Variants in SGSM2 observed in about 807,000 individuals in gnomAD.
SGSM2 encodes the protein RUN and TBC1 domain containing 1.
A neutral mutation model predicts 126.6 loss-of-function variants in SGSM2; 89 were observed. That is an observed-to-expected ratio of 0.70 (90% CI 0.59 to 0.84). The LOEUF (loss-of-function observed/expected upper bound fraction) is 0.84, where lower values mean the gene tolerates loss of function less well. Ranked by LOEUF, SGSM2 falls within the 40% of genes least tolerant of loss-of-function variation. The probability of loss-of-function intolerance (pLI) is 0.00; values close to 1 mark genes in which losing one functional copy is unlikely to be tolerated. For missense variants in SGSM2, 1,404 were observed against 1,416.6 expected (o/e 0.99, Z 0.14); for synonymous variants, 614 against 574.3 (o/e 1.07, Z -0.99).
chr17:2,365,418 GGGCAGCA>G (rs2065521965), intron 11 of SGSM2, 77 bp downstream of exon 11: 2 of 1,454,528 alleles, frequency 1.4e-6, no homozygotes, highest in Non-Finnish European at 1.8e-6. Context: ...TCACCCAGGA[GGGCAGCA>G]GGCAGGGCCC....
intron 2 of SGSM2, among the ~76,000 whole-genome samples, chr17:2,357,898 T>C (rs2065147184): frequency 6.6e-6 from 1 of 152,232 alleles, no homozygotes; most frequent in Non-Finnish European, 1.5e-5. Flanking sequence ...TTTTTTCTCA[T>C]ATGAAATAAG....
chr17:2,377,158 C>T (rs769803767), intron 21 of SGSM2, 90 bp downstream of exon 21: 2 of 765,050 alleles, frequency 2.6e-6, no homozygotes, highest in Non-Finnish European at 4.3e-6. Context: ...CACAAACATA[C>T]TTGACATAGA....
At chr17:2,373,596 C>T (rs983351958) in intron 17 of SGSM2, 83 bp downstream of exon 17, 1 of 1,292,128 alleles carries the variant, frequency 7.7e-7, no homozygotes, top group Non-Finnish European at 1.1e-6. Context: ...ACCAGCCTGA[C>T]CTCTGGGAAC....
chr17:2,364,753 G>T, intron 9 of SGSM2, 90 bp downstream of exon 9: 1 of 1,562,902 alleles, frequency 6.4e-7, no homozygotes, highest in Admixed American at 1.7e-5. Flanking sequence ...AAGACTCCTC[G>T]TCCTCCTCCC....
At chr17:2,378,789 A>T (rs1252727848) in intron 22 of SGSM2, among the ~76,000 whole-genome samples, 1 of 152,182 alleles carries the variant, frequency 6.6e-6, no homozygotes, top group East Asian at 1.9e-4. Context: ...CGGGGTACAG[A>T]ACCCCCATTC....
At chr17:2,376,298 A>G (rs200952978) in intron 19 of SGSM2, 37 bp downstream of exon 19, 1 of 1,579,330 alleles carries the variant, frequency 6.3e-7, no homozygotes, top group South Asian at 1.1e-5. Context: ...GGGAGGCGGG[A>G]CCCTGCCGCC....
Position 2,363,968 on chromosome 17 carries a change from CCCT to C in SGSM2, c.808-85_808-83del. The C allele has an allele frequency of 6.5e-7, 1 of 1,544,392 alleles. No individual in the cohort carries two copies. Among genetic ancestry groups the C allele is most frequent in the Non-Finnish European group, 8.9e-7 (1 of 1,122,436 alleles). On this transcript the variant is annotated intron_variant, in intron 7 of 23. Transcript: ENST00000268989. This position sits in a 1 kb window ranked among gnomAD's most constrained non-coding sequence, Gnocchi z 4.2. ...CCCGTGACTAGCCTAGCTTGGCCTC[CCCT>C]CCTCCCAGCGGGAGCTCATTTCTCA...
At chr17:2,364,688 G>C in intron 9 of SGSM2, 25 bp downstream of exon 9, 1 of 1,613,658 alleles carries the variant, frequency 6.2e-7, no homozygotes, top group East Asian at 2.2e-5. Flanking sequence ...TCCTCGGCTC[G>C]GGTGGGAAGG....
intron 12 of SGSM2, among the ~76,000 whole-genome samples, chr17:2,370,369 G>C (rs2065811657): frequency 6.6e-6 from 1 of 152,284 alleles, no homozygotes. Flanking sequence ...CGAGGGTCTT[G>C]AGTTCTGATT....
chr17:2,346,614 C>T (rs1488136129), intron 2 of SGSM2, among the ~76,000 whole-genome samples: 1 of 152,038 alleles, frequency 6.6e-6, no homozygotes, highest in Non-Finnish European at 1.5e-5. Context: ...GCTGGACATG[C>T]AGTAGGCCCC....
chr17:2,363,035 C>T lies in SGSM2; in HGVS notation c.573C>T (p.His191=). 2.5e-6 allele frequency: 4 copies of T among 1,614,048 alleles called. No individual in the cohort carries two copies. The highest frequency in any genetic ancestry group is 3.4e-6 in the Non-Finnish European group (4 of 1,180,042). ...LEYTKLKTAD[H]YWTDPSADEL... is the part of the protein sequence containing the mutation. Reference sequence around the variant, plus strand: ...ACACTAAGCTCAAGACAGCCGATCACTACTGGACTGACCCCTCTGCTGATG... The same window carrying T: ...ACACTAAGCTCAAGACAGCCGATCATTACTGGACTGACCCCTCTGCTGATG... Residue 191 remains histidine, a synonymous_variant, in exon 6 of 24, where the codon CAC becomes CAT. Transcript: ENST00000268989. This position sits in a 1 kb window ranked among gnomAD's most constrained non-coding sequence, Gnocchi z 4.2.
intron 19 of SGSM2, 23 bp from the exon 20 acceptor site, chr17:2,376,710 G>T: frequency 6.2e-7 from 1 of 1,613,140 alleles, no homozygotes; most frequent in South Asian, 1.1e-5. Flanking sequence ...CACAGCCACA[G>T]TGACTCTCCC....
rs2066352924 is a variant in SGSM2 at position 2,380,188 on chromosome 17, C to T, written c.*668C>T. 19 of 1,508,702 alleles carry T rather than the reference C, an allele frequency of 1.3e-5. No individual in the cohort carries two copies. Among genetic ancestry groups the T allele is most frequent in the Non-Finnish European group, 1.7e-5 (19 of 1,130,890 alleles). 93.5% of individuals were successfully genotyped at this position (1,508,702 alleles called of 1,614,324 possible). Reference sequence around the variant, plus strand: ...GCCACCTGAGGTGACCCCCAGGCCTCCCCGGCCTTGTACAGTGTACCTCTG... The same window carrying T: ...GCCACCTGAGGTGACCCCCAGGCCTTCCCGGCCTTGTACAGTGTACCTCTG... On this transcript the variant is annotated 3_prime_UTR_variant, in exon 24 of 24. Transcript: ENST00000268989.
intron 7 of SGSM2, 32 bp from the exon 8 acceptor site, chr17:2,364,027 C>G: frequency 6.2e-7 from 1 of 1,613,888 alleles, no homozygotes. Context: ...CTCAGCCCTT[C>G]ATCGTCGGTC....
Position 2,339,198 on chromosome 17 carries a change from C to A in SGSM2, c.57+1453C>A, listed in dbSNP as rs148409015. Among the ~76,000 whole-genome samples the A allele has an allele frequency of 5.8e-3, 879 of 151,926 alleles. 7 individuals are homozygous for A. The highest frequency in any genetic ancestry group is 0.018 in the African/African-American group (727 of 41,412). ...ATCCCAGCACTTTGGGAGGCTGAGG[C>A]GGGTAGATCACGAGGTCAGGAGTTC... On this transcript the variant is annotated intron_variant, in intron 1 of 23. Transcript: ENST00000268989.
At chr17:2,352,312 C>G (rs2064889277) in intron 2 of SGSM2, among the ~76,000 whole-genome samples, 2 of 152,210 alleles carry the variant, frequency 1.3e-5, no homozygotes, top group Admixed American at 1.3e-4. Flanking sequence ...TAGCGTCTCC[C>G]AAAGCCCCAG....
rs779589136 is a variant in SGSM2 at position 2,379,486 on chromosome 17, T to TC, written c.3124dup (p.His1042ProfsTer49). 1 of 1,613,628 alleles carries TC rather than the reference T, an allele frequency of 6.2e-7. No individual in the cohort carries two copies. Among genetic ancestry groups the TC allele is most frequent in the Non-Finnish European group, 8.5e-7 (1 of 1,179,772 alleles). On this transcript the variant is annotated frameshift_variant, in exon 24 of 24. Coordinates refer to ENST00000268989, the MANE Select transcript of SGSM2 (RefSeq NM_014853.3). LOFTEE classifies it high-confidence loss of function. ...ATCCTGCGGATTGCCCGGGACCTCG[T>TC]CCACAAGGTGCAGATGCTCATAGAG... is the stretch of plus-strand genomic sequence containing the variant.
intron 13 of SGSM2, chr17:2,371,966 C>A: frequency 1.8e-6 from 1 of 563,816 alleles, no homozygotes; most frequent in Admixed American, 3.3e-5. Flanking sequence ...GTTCGTTGAC[C>A]AAGATCCCTG....
chr17:2,369,969 T>TCCCGGCCGTGGGTCTGGGAAGAGAGC (rs1280535351), intron 12 of SGSM2, among the ~76,000 whole-genome samples: 3 of 152,154 alleles, frequency 2.0e-5, no homozygotes, highest in Admixed American at 6.5e-5. Flanking sequence ...TCTGCAAAAC[T>TCCCGGCCGTGGGTCTGGGAAGAGAGC]CCCGGCCGTG....
Sources: gnomAD v4.1 joint callset for allele counts (sites outside exome capture counted in the v4.1 genomes callset) on GRCh38, gnomAD v4.1.1 for gene constraint, Gnocchi (gnomAD v3.1) non-coding constraint, MANE v1.5 for transcripts, NCBI Gene and HGNC (gene_info 2026-07-23, HGNC 2026-07-21) for gene names.